The following PKN2 variants were observed in gnomAD, a reference collection of about 807,000 sequenced individuals.
PKN2 encodes the protein serine/threonine-protein kinase N2.
A neutral mutation model predicts 119.1 loss-of-function variants in PKN2; 38 were observed. The observed-to-expected ratio is 0.32, with a 90% confidence interval of 0.25 to 0.42. The LOEUF is 0.42. Ranked by LOEUF, PKN2 falls within the 10% of genes least tolerant of loss-of-function variation. The pLI is 1.00. For missense variants in PKN2, 850 were observed against 1,165.1 expected, an observed-to-expected ratio of 0.73 and a Z score of 3.94; for synonymous variants, 390 against 384.9, an observed-to-expected ratio of 1.01 and a Z score of -0.15.
chr1:88,806,193 T>C (rs1671532334), intron 12 of PKN2, 176 bp downstream of exon 12: 1 of 605,506 alleles, frequency 1.7e-6, no homozygotes, highest in East Asian at 3.0e-5. Context: ...TCACTCTTGT[T>C]ACCCAGGCTG....
intron 2 of PKN2, among the ~76,000 whole-genome samples, chr1:88,752,095 G>T (rs1404167227): frequency 6.6e-6 from 1 of 152,130 alleles, no homozygotes; most frequent in Non-Finnish European, 1.5e-5. Flanking sequence ...ATGGGAAATT[G>T]TTAGCCTCTG....
At chr1:88,763,948 C>T (rs1009658188) in intron 3 of PKN2, among the ~76,000 whole-genome samples, 2 of 152,174 alleles carry the variant, frequency 1.3e-5, no homozygotes, top group African/African-American at 2.4e-5. Flanking sequence ...AAATTGCCAA[C>T]AGAACTCTGC....
At chr1:88,770,222 A>G (rs1257684221) in intron 3 of PKN2, 130 bp from the exon 4 acceptor site, 5 of 575,248 alleles carry the variant, frequency 8.7e-6, no homozygotes, top group South Asian at 2.6e-5. Flanking sequence ...AAGATATACT[A>G]TAGCGCCAAC....
At chr1:88,825,886 T>C (rs1672480446) in intron 18 of PKN2, among the ~76,000 whole-genome samples, 1 of 152,190 alleles carries the variant, frequency 6.6e-6, no homozygotes, top group Non-Finnish European at 1.5e-5. Flanking sequence ...GCTCTCTGTT[T>C]AGTACTTTTT....
chr1:88,685,940 C>A (rs1310561822), intron 1 of PKN2, among the ~76,000 whole-genome samples: 4 of 152,090 alleles, frequency 2.6e-5, no homozygotes, highest in African/African-American at 9.7e-5. Flanking sequence ...GATATTTCCT[C>A]CACAAAAATA....
intron 8 of PKN2, among the ~76,000 whole-genome samples, chr1:88,790,305 A>G (rs1012374606): frequency 6.6e-6 from 1 of 152,236 alleles, no homozygotes; most frequent in Non-Finnish European, 1.5e-5. Flanking sequence ...GGTGAATGAA[A>G]TAAAGTTTTA....
At position 88,833,543 on chromosome 1, in the gene PKN2, G is replaced by A; in HGVS notation, c.*95G>A. The A allele has an allele frequency of 1.1e-6, 1 of 869,924 alleles. No homozygotes were observed. The highest frequency in any genetic ancestry group is 1.8e-6 in the Non-Finnish European group (1 of 547,848). The allele number at this position is 869,924 out of a possible 1,614,324, so 53.9% of individuals were successfully genotyped here. On this transcript the variant is annotated 3_prime_UTR_variant, in exon 22 of 22. Transcript: ENST00000370521. ...TCTCTGTGCCACCAATAGCTTCTGA[G>A]TTTTTTGTTGTTGTTGTTTTTATTG...
intron 2 of PKN2, among the ~76,000 whole-genome samples, chr1:88,753,287 C>T (rs1669072609): frequency 6.6e-6 from 1 of 152,140 alleles, no homozygotes. Flanking sequence ...GCCACTTTAT[C>T]TGTTCTTCGT....
At chr1:88,760,547 T>C (rs1669402019) in intron 3 of PKN2, among the ~76,000 whole-genome samples, 171 bp downstream of exon 3, 1 of 152,238 alleles carries the variant, frequency 6.6e-6, no homozygotes, top group Non-Finnish European at 1.5e-5. Context: ...ATTTGAATTA[T>C]ATGACATGCT....
At chr1:88,811,580 A>G (rs1671785315) in intron 15 of PKN2, among the ~76,000 whole-genome samples, 1 of 152,154 alleles carries the variant, frequency 6.6e-6, no homozygotes, top group Non-Finnish European at 1.5e-5. Flanking sequence ...TAGTACATAT[A>G]GTGTACTACT....
chr1:88,748,009 T>G (rs1570571766), intron 2 of PKN2, among the ~76,000 whole-genome samples: 1 of 152,166 alleles, frequency 6.6e-6, no homozygotes, highest in Non-Finnish European at 1.5e-5. Context: ...GTTGCTCTTT[T>G]GCACTCCTGG....
In PKN2 at chr1:88,819,829, TA is replaced by T. The variant is rs576335924; in HGVS notation, c.2280-2106del. Among the ~76,000 whole-genome samples, 216 of 152,162 alleles carry T rather than the reference TA, an allele frequency of 1.4e-3. 2 individuals carry two copies. The highest frequency in any genetic ancestry group is 4.9e-3 in the African/African-American group (205 of 41,504). ...TACACCATGAAATACTATACAGCCA[TA>T]AAAAATGATGAGTTCATGTCCTTTG... On this transcript the variant is annotated intron_variant, in intron 16 of 21. Transcript: ENST00000370521.
rs1961406 is a variant in PKN2, at chr1:88,801,206, A to G, written c.1282-3185A>G. Among the ~76,000 whole-genome samples, 581 of 152,184 alleles carry G rather than the reference A, an allele frequency of 3.8e-3. 12 individuals are homozygous for G. The highest frequency in any genetic ancestry group is 0.032 in the East Asian group (163 of 5,174). ...TCGAGACCAGCCTAGCCAACATGGC[A>G]AAACCCCATCTCTATTAAAAATACA... On this transcript the variant is annotated intron_variant, in intron 8 of 21. Transcript: ENST00000370521.
At chr1:88,745,068 G>A (rs375532566) in intron 2 of PKN2, among the ~76,000 whole-genome samples, 14 of 152,140 alleles carry the variant, frequency 9.2e-5, no homozygotes, top group Admixed American at 2.0e-4. Context: ...ACATTTTTTC[G>A]TGATAAAAAT....
At chr1:88,822,955 A>G (rs1170979525) in intron 17 of PKN2, among the ~76,000 whole-genome samples, 2 of 152,210 alleles carry the variant, frequency 1.3e-5, no homozygotes, top group African/African-American at 4.8e-5. Context: ...ACAGTGGCTC[A>G]TGCCTGTAAC....
intron 1 of PKN2, among the ~76,000 whole-genome samples, chr1:88,692,802 T>G (rs1367271254): frequency 6.6e-6 from 1 of 152,200 alleles, no homozygotes; most frequent in African/African-American, 2.4e-5. Flanking sequence ...TTCGCTTTCT[T>G]TTATGGAGTT....
At chr1:88,753,604 G>T (rs1181186834) in intron 2 of PKN2, among the ~76,000 whole-genome samples, 2 of 151,898 alleles carry the variant, frequency 1.3e-5, no homozygotes, top group African/African-American at 4.8e-5. Flanking sequence ...CTTCTGGGGA[G>T]GCCTCAGAAA....
chr1:88,771,939 TAATAA>T, intron 6 of PKN2, 60 bp downstream of exon 6: 1 of 1,133,448 alleles, frequency 8.8e-7, no homozygotes, highest in Non-Finnish European at 1.3e-6. Flanking sequence ...GGTTCTGATT[TAATAA>T]TTGAAAGAAA....
chr1:88,708,555 AT>A (rs2100680105), intron 1 of PKN2, among the ~76,000 whole-genome samples: 2 of 151,404 alleles, frequency 1.3e-5, no homozygotes, highest in African/African-American at 4.9e-5. Context: ...GTAGTGCCTC[AT>A]TGATGAGAAA....
Sources: allele counts gnomAD v4.1 joint callset (sites outside exome capture counted in the v4.1 genomes callset), GRCh38; gene constraint gnomAD v4.1.1; transcripts MANE v1.5; gene names NCBI Gene and HGNC (gene_info 2026-07-23, HGNC 2026-07-21).